Variants in SLIT2 observed in about 807,000 individuals in gnomAD.
The protein encoded by SLIT2 is slit guidance ligand 2, also known as slit homolog 2 protein.
In SLIT2, 41 loss-of-function variants were observed where a neutral mutation model predicts 185.7. The observed-to-expected ratio is 0.22, with a 90% CI of 0.17 to 0.29. The LOEUF is 0.29. SLIT2 is among the 10% of genes least tolerant of loss of function. The pLI is 1.00. For synonymous variants in SLIT2, 693 were observed against 680.2 expected, an observed-to-expected ratio of 1.02 and a Z score of -0.29; for missense variants, 1,571 against 1,909.0, an observed-to-expected ratio of 0.82 and a Z score of 3.30.
intron 9 of SLIT2, among the ~76,000 whole-genome samples, chr4:20,503,052 A>G (rs555911729): frequency 6.6e-6 from 1 of 152,270 alleles, no homozygotes; most frequent in East Asian, 1.9e-4. Flanking sequence ...TGTAGCCTCT[A>G]ACATAAGACT....
At chr4:20,362,332 G>A (rs1722803641) in intron 4 of SLIT2, among the ~76,000 whole-genome samples, 1 of 152,110 alleles carries the variant, frequency 6.6e-6, no homozygotes, top group Admixed American at 6.6e-5. Flanking sequence ...GGAACGCAGA[G>A]CAGCAAGGTC....
At chr4:20,420,370 A>C (rs535648815) in intron 4 of SLIT2, among the ~76,000 whole-genome samples, 7 of 152,314 alleles carry the variant, frequency 4.6e-5, no homozygotes, top group East Asian at 3.9e-4. Flanking sequence ...CCAAGTGATT[A>C]GTCTTTCACT....
At chr4:20,586,287 T>C (rs990197079) in intron 29 of SLIT2, among the ~76,000 whole-genome samples, 19 of 152,222 alleles carry the variant, frequency 1.2e-4, no homozygotes, top group South Asian at 2.1e-4. Flanking sequence ...TTATTACTAA[T>C]CATGAGTGAG....
At chr4:20,594,288 T>C (rs960828776) in intron 30 of SLIT2, among the ~76,000 whole-genome samples, 4 of 151,088 alleles carry the variant, frequency 2.6e-5, no homozygotes, top group Admixed American at 6.6e-5. Flanking sequence ...TATGTATATG[T>C]GTGTATATAT....
At chr4:20,546,168 A>T (rs538168193) in intron 22 of SLIT2, 69 bp downstream of exon 22, 1 of 803,622 alleles carries the variant, frequency 1.2e-6, no homozygotes. Flanking sequence ...AAGGGACAGA[A>T]GATTTAGTGA....
intron 4 of SLIT2, among the ~76,000 whole-genome samples, chr4:20,404,529 A>G (rs923527405): frequency 3.9e-5 from 6 of 151,956 alleles, no homozygotes; most frequent in African/African-American, 1.4e-4. Context: ...GCACATAGGA[A>G]CTGCTCAGTG....
Position 20,541,532 on chromosome 4 carries a change from A to G in SLIT2, c.2056A>G (p.Thr686Ala). The G allele has an allele frequency of 6.2e-7, 1 of 1,614,020 alleles. No homozygotes were observed. The highest frequency in any genetic ancestry group is 1.1e-5 in the South Asian group (1 of 91,076). ...GEWLRKKRIVTGNPRCQKPYF... is the reference protein window; with the variant it reads ...GEWLRKKRIVAGNPRCQKPYF... ...GTGGCTGAGAAAGAAGAGAATTGTC[A>G]CGGGAAATCCTAGATGTCAAAAACC... The change falls in exon 20 of 37, where the codon ACG (threonine) becomes GCG (alanine). Residue 686 changes from threonine (T) to alanine (A), a missense_variant. Coordinates refer to ENST00000504154, the MANE Select transcript of SLIT2 (RefSeq NM_004787.4).
intron 4 of SLIT2, among the ~76,000 whole-genome samples, chr4:20,439,526 C>T (rs916551838): frequency 1.1e-4 from 17 of 152,224 alleles, no homozygotes; most frequent in South Asian, 8.3e-4. Flanking sequence ...GCTCTGTGTC[C>T]GAATTATCCC....
chr4:20,253,498 TG>T lies in SLIT2; in HGVS notation c.-315del. The T allele has an allele frequency of 2.7e-6, 1 of 364,494 alleles. No individual in the cohort carries two copies. The highest frequency in any genetic ancestry group is 2.1e-5 in the African/African-American group (1 of 48,326). The allele number at this position is 364,494 out of a possible 1,614,324, so 22.6% of individuals were successfully genotyped here. A position where few individuals can be genotyped will look rare whatever the true frequency, so the allele number is the denominator to read the frequency against. ...GCTCTTTTACCGCCAAGTTCATCCT[TG>T]GGAGACAGAAGACGCGTGATCTCCT... On this transcript the variant is annotated 5_prime_UTR_variant, in exon 1 of 37. Coordinates refer to ENST00000504154, the MANE Select transcript of SLIT2 (RefSeq NM_004787.4).
intron 4 of SLIT2, among the ~76,000 whole-genome samples, chr4:20,435,306 C>G (rs1225417362): frequency 2.0e-5 from 3 of 152,048 alleles, no homozygotes; most frequent in Non-Finnish European, 4.4e-5. Flanking sequence ...TTGATTGATC[C>G]CCTGCATTCA....
rs576273086 is a variant in SLIT2, at chr4:20,462,124, C to T, written c.396-5628C>T. On this transcript the variant is annotated intron_variant, in intron 4 of 36. Coordinates refer to ENST00000504154, the MANE Select transcript of SLIT2 (RefSeq NM_004787.4). ...TCTGGGAGGCCTGTATCTTTCCAATCGGTCAAATACTGGAAATTAACACCT... is the reference window on the plus strand; with the variant it reads ...TCTGGGAGGCCTGTATCTTTCCAATTGGTCAAATACTGGAAATTAACACCT... Among the ~76,000 whole-genome samples, 535 of 151,172 alleles carry T rather than the reference C, an allele frequency of 3.5e-3. 1 individual carries two copies. The highest frequency in any genetic ancestry group is 4.4e-3 in the African/African-American group (181 of 41,316).
intron 30 of SLIT2, among the ~76,000 whole-genome samples, chr4:20,591,675 G>A (rs941423886): frequency 4.6e-5 from 7 of 151,050 alleles, no homozygotes; most frequent in Middle Eastern, 3.2e-3. Context: ...TCAATGATGC[G>A]CTCACAATTT....
At chr4:20,263,592 G>C (rs1431014604) in intron 3 of SLIT2, among the ~76,000 whole-genome samples, 1 of 151,798 alleles carries the variant, frequency 6.6e-6, no homozygotes, top group African/African-American at 2.4e-5. Context: ...CCAGATACAA[G>C]CTCCCCTTTC....
At chr4:20,346,960 C>G (rs1050466524) in intron 4 of SLIT2, among the ~76,000 whole-genome samples, 1 of 152,196 alleles carries the variant, frequency 6.6e-6, no homozygotes, top group Non-Finnish European at 1.5e-5. Flanking sequence ...GTCTGTCTCT[C>G]CCAGTCCACT....
At chr4:20,501,767 T>G (rs941853517) in intron 9 of SLIT2, among the ~76,000 whole-genome samples, 10 of 152,234 alleles carry the variant, frequency 6.6e-5, no homozygotes, top group Admixed American at 4.6e-4. Context: ...TGTTTTCATC[T>G]ATATTTTGGT....
chr4:20,308,915 A>G (rs1475425902), intron 4 of SLIT2, among the ~76,000 whole-genome samples: 3 of 152,152 alleles, frequency 2.0e-5, no homozygotes, highest in Admixed American at 2.0e-4. Context: ...TCATTTTCTT[A>G]TACTTACTTG....
chr4:20,411,666 C>T (rs1388476854), intron 4 of SLIT2, among the ~76,000 whole-genome samples: 1 of 152,160 alleles, frequency 6.6e-6, no homozygotes, highest in East Asian at 1.9e-4. Flanking sequence ...CAAGATAACC[C>T]AGGTGAATCT....
intron 4 of SLIT2, among the ~76,000 whole-genome samples, chr4:20,296,140 A>G (rs1716452915): frequency 6.6e-6 from 1 of 152,226 alleles, no homozygotes; most frequent in African/African-American, 2.4e-5. Flanking sequence ...TGCTTATGAG[A>G]ATAAACTGAT....
At chr4:20,368,219 C>CAAAAAAAAAAAGAAAAAAAAAA (rs1723273318) in intron 4 of SLIT2, among the ~76,000 whole-genome samples, 1 of 107,430 alleles carries the variant, frequency 9.3e-6, no homozygotes, top group Non-Finnish European at 1.9e-5. Flanking sequence ...CACAAAATAG[C>CAAAAAAAAAAAGAAAAAAAAAA]AAAAAAAAAA....
Sources: allele counts gnomAD v4.1 joint callset (sites outside exome capture counted in the v4.1 genomes callset), GRCh38; gene constraint gnomAD v4.1.1; transcripts MANE v1.5; gene names NCBI Gene and HGNC (gene_info 2026-07-23, HGNC 2026-07-21).